Variants in RAB6B observed in about 807,000 individuals in gnomAD.
RAB6B encodes ras-related protein Rab-6B.
A neutral mutation model predicts 31.2 loss-of-function variants in RAB6B; 7 were observed. The ratio of observed to expected loss-of-function variants is 0.22; its 90% CI spans 0.13 to 0.42. The LOEUF (loss-of-function observed/expected upper bound fraction) is 0.42. Ranked by LOEUF, RAB6B falls within the 10% of genes least tolerant of loss-of-function variation. The probability of loss-of-function intolerance (pLI) is 1.00; values close to 1 mark genes in which losing one functional copy is unlikely to be tolerated. For missense variants in RAB6B, 149 were observed against 280.6 expected (o/e 0.53, Z 3.35); for synonymous variants, 105 against 104.9 (o/e 1.00, Z -0.01).
chr3:133,856,712 G>A (rs188944597), intron 2 of RAB6B, among the ~76,000 whole-genome samples: 2 of 152,276 alleles, frequency 1.3e-5, no homozygotes, highest in African/African-American at 4.8e-5. Flanking sequence ...AATTCATTTT[G>A]TAGTTACCAT....
intron 1 of RAB6B, among the ~76,000 whole-genome samples, chr3:133,868,620 T>C (rs906307483): frequency 3.3e-5 from 5 of 152,246 alleles, no homozygotes; most frequent in African/African-American, 1.2e-4. Context: ...AAATCATTAT[T>C]GAGCTTTTTT....
intron 2 of RAB6B, among the ~76,000 whole-genome samples, chr3:133,864,052 C>T (rs1936199409): frequency 6.6e-6 from 1 of 151,972 alleles, no homozygotes; most frequent in South Asian, 2.1e-4. Flanking sequence ...CATCCAGCCT[C>T]CTGCCCATGT....
At chr3:133,830,163 A>G (rs538213810) in intron 7 of RAB6B, among the ~76,000 whole-genome samples, 1 of 152,298 alleles carries the variant, frequency 6.6e-6, no homozygotes, top group South Asian at 2.1e-4. Flanking sequence ...CTGCAGTTCT[A>G]TGGCCCATGC....
intron 4 of RAB6B, among the ~76,000 whole-genome samples, chr3:133,840,918 A>G (rs1307079062): frequency 6.6e-6 from 1 of 152,168 alleles, no homozygotes; most frequent in Non-Finnish European, 1.5e-5. Flanking sequence ...GGTGACACAC[A>G]TATAGAAGTA....
At chr3:133,831,822 G>A (rs980079239) in intron 7 of RAB6B, among the ~76,000 whole-genome samples, 2 of 152,162 alleles carry the variant, frequency 1.3e-5, no homozygotes, top group African/African-American at 2.4e-5. Context: ...CCTTCTCCCT[G>A]GTTCCTGGAA....
intron 1 of RAB6B, among the ~76,000 whole-genome samples, chr3:133,873,798 T>G (rs575945883): frequency 1.3e-5 from 2 of 152,336 alleles, no homozygotes; most frequent in Non-Finnish European, 2.9e-5. Flanking sequence ...CCCACAAAAC[T>G]TAACTATTAT....
At chr3:133,885,620 C>T (rs1264491748) in intron 1 of RAB6B, 4 of 702,952 alleles carry the variant, frequency 5.7e-6, no homozygotes, top group East Asian at 2.7e-5. Flanking sequence ...CCAGCAGTCC[C>T]GCAGAACACC....
intron 1 of RAB6B, among the ~76,000 whole-genome samples, chr3:133,871,686 G>A (rs1936325578): frequency 1.3e-5 from 2 of 152,238 alleles, no homozygotes; most frequent in Non-Finnish European, 2.9e-5. Flanking sequence ...TGGGTGGAGA[G>A]GCTGCTGTAA....
chr3:133,862,582 C>T (rs1369181326), intron 2 of RAB6B, among the ~76,000 whole-genome samples: 2 of 152,198 alleles, frequency 1.3e-5, no homozygotes, highest in African/African-American at 4.8e-5. Flanking sequence ...GGCATTCCGG[C>T]AGAGGCAATG....
At chr3:133,829,319 C>G (rs1240311763) in intron 7 of RAB6B, among the ~76,000 whole-genome samples, 2 of 152,178 alleles carry the variant, frequency 1.3e-5, no homozygotes, top group African/African-American at 4.8e-5. Flanking sequence ...TTAGTCAGAA[C>G]ACATCACTTA....
intron 1 of RAB6B, among the ~76,000 whole-genome samples, chr3:133,875,002 C>T (rs912488964): frequency 6.6e-6 from 1 of 152,114 alleles, no homozygotes; most frequent in Non-Finnish European, 1.5e-5. Flanking sequence ...GGAGGTCCTC[C>T]TGAAGGACCT....
chr3:133,860,362 G>T (rs1335907302), intron 2 of RAB6B, among the ~76,000 whole-genome samples: 1 of 152,292 alleles, frequency 6.6e-6, no homozygotes, highest in African/African-American at 2.4e-5. Flanking sequence ...CAGAGGCGGA[G>T]AGTGGAGTGA....
chr3:133,856,523 C>T (rs75606885), intron 2 of RAB6B, among the ~76,000 whole-genome samples: 1 of 152,262 alleles, frequency 6.6e-6, no homozygotes, highest in African/African-American at 2.4e-5. Context: ...CATATCATTA[C>T]TCTTAGCCTC....
rs1935574427 is a variant in RAB6B, at chr3:133,826,933, CTA to C, written c.*1853_*1854del. 1 of 152,576 alleles carries C rather than the reference CTA, an allele frequency of 6.6e-6. No homozygotes were observed. Among genetic ancestry groups the C allele is most frequent in the African/African-American group, 2.4e-5 (1 of 41,384 alleles). The allele number at this position is 152,576 out of a possible 1,614,324, so 9.5% of individuals were successfully genotyped here. On this transcript the variant is annotated 3_prime_UTR_variant, in exon 8 of 8. Coordinates refer to ENST00000285208, the MANE Select transcript of RAB6B (RefSeq NM_016577.4). ...GGAAGGTGTATACACAAGTCTATCTCTATATATAATTATGTACACACATATAA... is the reference window on the plus strand; with the variant it reads ...GGAAGGTGTATACACAAGTCTATCTCTATATAATTATGTACACACATATAA...
In RAB6B at chr3:133,830,026, T is replaced by G. The variant is rs377145154; in HGVS notation, c.563-1174A>C. On this transcript the variant is annotated intron_variant, in intron 7 of 7. Coordinates refer to ENST00000285208, the MANE Select transcript of RAB6B (RefSeq NM_016577.4). ...GTAAATAGATACTAAGCCAGTGCCT[T>G]CCTTCCCACTGCCCACTGCAGCCCA... Among the ~76,000 whole-genome samples, 146 of 152,312 alleles carry G rather than the reference T, an allele frequency of 9.6e-4. 3 individuals are homozygous for G. Among genetic ancestry groups the G allele is most frequent in the African/African-American group, 3.2e-3 (135 of 41,568 alleles).
chr3:133,873,653 C>T (rs1038273686), intron 1 of RAB6B, among the ~76,000 whole-genome samples: 3 of 152,128 alleles, frequency 2.0e-5, no homozygotes, highest in African/African-American at 7.2e-5. Flanking sequence ...GAGGTACAAT[C>T]AATAAACAAA....
intron 2 of RAB6B, among the ~76,000 whole-genome samples, chr3:133,861,794 A>AACT (rs1936165212): frequency 6.6e-6 from 1 of 152,104 alleles, no homozygotes; most frequent in African/African-American, 2.4e-5. Context: ...CCATTCTAGG[A>AACT]ACTGTCTGGG....
intron 1 of RAB6B, among the ~76,000 whole-genome samples, chr3:133,868,583 G>A (rs1936274416): frequency 6.6e-6 from 1 of 152,222 alleles, no homozygotes; most frequent in African/African-American, 2.4e-5. Flanking sequence ...CAGCTCCACT[G>A]GCAGGTTTTA....
At chr3:133,843,613 G>A (rs1195209395) in intron 2 of RAB6B, among the ~76,000 whole-genome samples, 2 of 152,234 alleles carry the variant, frequency 1.3e-5, no homozygotes, top group Admixed American at 1.3e-4. Flanking sequence ...GTTGTCCCCA[G>A]TATGTAGTTT....
Sources: gnomAD v4.1 joint callset for allele counts (sites outside exome capture counted in the v4.1 genomes callset) on GRCh38, gnomAD v4.1.1 for gene constraint, MANE v1.5 for transcripts, NCBI Gene and HGNC (gene_info 2026-07-23, HGNC 2026-07-21) for gene names.